The following CDK8 variants were observed in gnomAD, a reference collection of about 807,000 sequenced individuals.
The protein encoded by CDK8 is cyclin dependent kinase 8.
In CDK8, 29 loss-of-function variants were observed where a neutral mutation model predicts 71.5. The observed-to-expected ratio is 0.41, with a 90% CI of 0.30 to 0.55. The LOEUF is 0.55. Ranked by LOEUF, CDK8 falls within the 20% of genes least tolerant of loss-of-function variation. The pLI, the probability that CDK8 is intolerant of heterozygous loss-of-function variation, is 0.37. For synonymous variants in CDK8, 161 were observed against 192.1 expected (o/e 0.84, Z 1.34); for missense variants, 288 against 572.6 (o/e 0.50, Z 5.07).
intron 6 of CDK8, among the ~76,000 whole-genome samples, chr13:26,389,857 G>T (rs891307320): frequency 6.6e-6 from 1 of 151,998 alleles, no homozygotes; most frequent in Admixed American, 6.6e-5. Flanking sequence ...AATTAGCCAG[G>T]CATGGTGGCG....
chr13:26,254,894 G>T lies in CDK8; in HGVS notation c.128+125G>T. The T allele has an allele frequency of 1.5e-6, 2 of 1,356,444 alleles. No homozygotes were observed. The highest frequency in any genetic ancestry group is 1.0e-6 in the Non-Finnish European group (1 of 998,662). 84.0% of individuals were successfully genotyped at this position (1,356,444 alleles called of 1,614,324 possible). A position where few individuals can be genotyped will look rare whatever the true frequency, so the allele number is the denominator to read the frequency against. On this transcript the variant is annotated intron_variant, in intron 1 of 12. Coordinates refer to ENST00000381527, the MANE Select transcript of CDK8 (RefSeq NM_001260.3). The surrounding 1 kb of genome is among the most constrained non-coding windows in gnomAD (Gnocchi z 6.7). ...CTGACTTCCTCGACGCCGGCCTCTG[G>T]CTCCGCCAGCCAGGTTTGGGGAGGA...
intron 9 of CDK8, 169 bp from the exon 10 acceptor site, chr13:26,400,284 A>G: frequency 1.7e-6 from 1 of 586,064 alleles, no homozygotes; most frequent in Non-Finnish European, 3.0e-6. Flanking sequence ...CTAAAGTGTG[A>G]ATTACTACAT....
rs193042741 is a variant in CDK8, at chr13:26,310,839, C to T, written c.129-26728C>T. ...TCACATAGCAGCTGGTTGTGGTCTT[C>T]TCAAAGTTACTTTGTTCAAATCTCT... On this transcript the variant is annotated intron_variant, in intron 1 of 12. Transcript: ENST00000381527. 6.6e-5 allele frequency among the ~76,000 whole-genome samples: 10 copies of T among 152,256 alleles called. No individual in the cohort carries two copies. The East Asian group carries it at 1.9e-3, about 29-fold the overall frequency.
intron 6 of CDK8, among the ~76,000 whole-genome samples, chr13:26,385,888 T>TCATA (rs774599550): frequency 1.8e-3 from 276 of 152,248 alleles, no homozygotes; most frequent in African/African-American, 6.4e-3. Flanking sequence ...TTAAATGGGA[T>TCATA]CATATTATGC....
At chr13:26,312,662 G>A (rs1370370346) in intron 1 of CDK8, among the ~76,000 whole-genome samples, 2 of 152,200 alleles carry the variant, frequency 1.3e-5, no homozygotes, top group Non-Finnish European at 2.9e-5. Flanking sequence ...TCTAGGGTCC[G>A]CGGCTTCATT....
At chr13:26,346,822 AT>A (rs1269633804) in intron 2 of CDK8, among the ~76,000 whole-genome samples, 2 of 152,270 alleles carry the variant, frequency 1.3e-5, no homozygotes, top group African/African-American at 4.8e-5. Context: ...AATCTTTAAT[AT>A]GTGACTGAAT....
At position 26,367,753 on chromosome 13, in the gene CDK8, T is replaced by A. The variant is rs1307215221; in HGVS notation, c.456+13873T>A. The stretch of plus-strand genomic sequence containing the variant: ...GCCTATAAATAGCTTACTGAATGAA[T>A]AAGTAGATTTTTTTGTTAGCTCTTC... On this transcript the variant is annotated intron_variant, in intron 4 of 12. Coordinates refer to ENST00000381527, the MANE Select transcript of CDK8 (RefSeq NM_001260.3). Among the ~76,000 whole-genome samples the A allele has an allele frequency of 2.0e-5, 3 of 152,192 alleles. No individual in the cohort carries two copies. The East Asian group carries it at 5.8e-4, about 29-fold the overall frequency.
At chr13:26,325,351 C>T (rs1874970290) in intron 1 of CDK8, among the ~76,000 whole-genome samples, 1 of 152,168 alleles carries the variant, frequency 6.6e-6, no homozygotes, top group African/African-American at 2.4e-5. Context: ...GCATAACTAG[C>T]TAGAAAGTGC....
intron 1 of CDK8, among the ~76,000 whole-genome samples, chr13:26,283,896 CAAAA>C (rs752553551): frequency 1.2e-4 from 11 of 89,472 alleles, no homozygotes; most frequent in Admixed American, 2.6e-4. Flanking sequence ...GACTCCATCT[CAAAA>C]AAAAAAAAAA....
chr13:26,358,094 G>T (rs1873972336), intron 4 of CDK8, among the ~76,000 whole-genome samples: 2 of 152,060 alleles, frequency 1.3e-5, no homozygotes, highest in Non-Finnish European at 1.5e-5. Context: ...AGGAGATTGA[G>T]ACCATCCTGG....
intron 1 of CDK8, among the ~76,000 whole-genome samples, chr13:26,277,089 A>C (rs1326816717): frequency 2.0e-5 from 3 of 152,226 alleles, no homozygotes; most frequent in Non-Finnish European, 4.4e-5. Flanking sequence ...CAAACAATGC[A>C]GCTCTGTGTG....
intron 1 of CDK8, among the ~76,000 whole-genome samples, chr13:26,302,357 T>C (rs1287419906): frequency 6.6e-6 from 1 of 152,226 alleles, no homozygotes; most frequent in Non-Finnish European, 1.5e-5. Context: ...TCTTCCCAAT[T>C]TTTTTGCATT....
intron 2 of CDK8, among the ~76,000 whole-genome samples, chr13:26,339,344 A>G (rs561125261): frequency 6.6e-6 from 1 of 152,214 alleles, no homozygotes; most frequent in South Asian, 2.1e-4. Flanking sequence ...CAGTTGTAGC[A>G]TCATTTTTGG....
chr13:26,308,605 T>A (rs935290867), intron 1 of CDK8, among the ~76,000 whole-genome samples: 3 of 152,276 alleles, frequency 2.0e-5, no homozygotes, highest in Non-Finnish European at 2.9e-5. Context: ...ATTACCTTCC[T>A]GATCTTGGTA....
Position 26,374,400 on chromosome 13 carries a change from A to G in CDK8, c.457-8414A>G, listed in dbSNP as rs183989590. ...ATGTGGATCACAGTATATTAAATGTATATAAGAAAATTAGCATATTTAGTC... is the reference window on the plus strand; with the variant it reads ...ATGTGGATCACAGTATATTAAATGTGTATAAGAAAATTAGCATATTTAGTC... On this transcript the variant is annotated intron_variant, in intron 4 of 12. Transcript: ENST00000381527. Among the ~76,000 whole-genome samples, 49 of 152,306 alleles carry G rather than the reference A, an allele frequency of 3.2e-4. 1 individual carries two copies. The highest frequency in any genetic ancestry group is 2.7e-3 in the Admixed American group (41 of 15,290).
At chr13:26,333,758 C>T (rs981518347) in intron 1 of CDK8, among the ~76,000 whole-genome samples, 3 of 152,040 alleles carry the variant, frequency 2.0e-5, no homozygotes, top group Non-Finnish European at 4.4e-5. Flanking sequence ...GCAAATATTC[C>T]ACAATATCCT....
chr13:26,349,986 A>G (rs1050776469), intron 3 of CDK8, among the ~76,000 whole-genome samples: 1 of 152,158 alleles, frequency 6.6e-6, no homozygotes, highest in African/African-American at 2.4e-5. Flanking sequence ...ACACTTATTT[A>G]CTATTGTGTC....
intron 4 of CDK8, among the ~76,000 whole-genome samples, chr13:26,368,872 A>G (rs1411355941): frequency 6.6e-6 from 1 of 152,024 alleles, no homozygotes; most frequent in Non-Finnish European, 1.5e-5. Flanking sequence ...GGTAAATTAC[A>G]TTTATATTGT....
At chr13:26,361,912 G>A (rs1874162724) in intron 4 of CDK8, among the ~76,000 whole-genome samples, 1 of 149,018 alleles carries the variant, frequency 6.7e-6, no homozygotes, top group Non-Finnish European at 1.5e-5. Context: ...TTACAGGCCT[G>A]AGCCACCACA....
Sources: gnomAD v4.1 joint callset for allele counts (sites outside exome capture counted in the v4.1 genomes callset) on GRCh38, gnomAD v4.1.1 for gene constraint, Gnocchi (gnomAD v3.1) non-coding constraint, MANE v1.5 for transcripts, NCBI Gene and HGNC (gene_info 2026-07-23, HGNC 2026-07-21) for gene names.